GRID2: variants seen among roughly 807,000 people sequenced by gnomAD.
The protein encoded by GRID2 is glutamate ionotropic receptor delta type subunit 2, also known as glutamate receptor ionotropic, delta-2.
A neutral mutation model predicts 114.8 loss-of-function variants in GRID2; 33 were observed. That is an observed-to-expected ratio of 0.29 (90% CI 0.22 to 0.38). The LOEUF (loss-of-function observed/expected upper bound fraction) is 0.38, where lower values mean the gene tolerates loss of function less well. Ranked by LOEUF, GRID2 falls within the 10% of genes least tolerant of loss-of-function variation. The pLI, the probability that GRID2 is intolerant of heterozygous loss-of-function variation, is 1.00. For synonymous variants in GRID2, 505 were observed against 449.9 expected (o/e 1.12, Z -1.55); for missense variants, 1,184 against 1,257.7 (o/e 0.94, Z 0.89).
At chr4:92,413,119 G>A (rs1731420939) in intron 1 of GRID2, among the ~76,000 whole-genome samples, 1 of 152,178 alleles carries the variant, frequency 6.6e-6, no homozygotes, top group Non-Finnish European at 1.5e-5. Flanking sequence ...TAGTAGTGAA[G>A]TCTGGGCTTT....
chr4:92,835,490 A>G (rs1317134020), intron 2 of GRID2, among the ~76,000 whole-genome samples: 1 of 152,160 alleles, frequency 6.6e-6, no homozygotes, highest in Admixed American at 6.6e-5. Context: ...GATAATGCTT[A>G]TGCTGTTTCT....
intron 2 of GRID2, among the ~76,000 whole-genome samples, chr4:92,615,214 G>T (rs1381314852): frequency 6.6e-6 from 1 of 151,414 alleles, no homozygotes; most frequent in African/African-American, 2.4e-5. Context: ...ATACCGAGGT[G>T]GGGTGGGGCA....
At chr4:93,091,878 C>T (rs1730823079) in intron 3 of GRID2, among the ~76,000 whole-genome samples, 1 of 152,124 alleles carries the variant, frequency 6.6e-6, no homozygotes, top group African/African-American at 2.4e-5. Context: ...GGCTGCCACA[C>T]AGGCTGCTCT....
Position 92,848,784 on chromosome 4 carries a change from C to T in GRID2, c.245-236211C>T, listed in dbSNP as rs1483106337. Among the ~76,000 whole-genome samples, 3 of 151,700 alleles carry T rather than the reference C, an allele frequency of 2.0e-5. No individual in the cohort carries two copies. In the Admixed American group the frequency reaches 2.0e-4, roughly 10 times the overall value. On this transcript the variant is annotated intron_variant, in intron 2 of 15. Transcript: ENST00000282020. ...GTTTAAATGACACAGTTAAGGTAGG[C>T]CTAATCTAATCTGACTGGTGGTCTT...
intron 2 of GRID2, among the ~76,000 whole-genome samples, chr4:92,724,790 G>A (rs931466265): frequency 6.6e-6 from 1 of 152,094 alleles, no homozygotes; most frequent in Non-Finnish European, 1.5e-5. Flanking sequence ...GAAGTATTTA[G>A]AGTAATTAAA....
At chr4:92,402,452 T>C (rs1730830585) in intron 1 of GRID2, among the ~76,000 whole-genome samples, 1 of 152,192 alleles carries the variant, frequency 6.6e-6, no homozygotes, top group Admixed American at 6.5e-5. Flanking sequence ...CTTGAAAGTT[T>C]GTATTACTAT....
chr4:93,202,896 C>T (rs1039356015), intron 4 of GRID2, among the ~76,000 whole-genome samples: 1 of 152,030 alleles, frequency 6.6e-6, no homozygotes, highest in Middle Eastern at 3.2e-3. Context: ...GTTTTAACCA[C>T]TTTGAAGTGA....
At chr4:93,389,771 T>C (rs1463057514) in intron 8 of GRID2, among the ~76,000 whole-genome samples, 1 of 152,070 alleles carries the variant, frequency 6.6e-6, no homozygotes, top group Non-Finnish European at 1.5e-5. Context: ...TCCCTGTGTG[T>C]TGAAGCAAGT....
intron 2 of GRID2, among the ~76,000 whole-genome samples, chr4:93,021,804 A>G (rs951014523): frequency 6.8e-6 from 1 of 146,310 alleles, no homozygotes; most frequent in Non-Finnish European, 1.5e-5. Context: ...TTATTTTTAT[A>G]ATAAATTTTA....
At chr4:92,504,230 CAA>C (rs1723835289) in intron 1 of GRID2, among the ~76,000 whole-genome samples, 1 of 151,874 alleles carries the variant, frequency 6.6e-6, no homozygotes, top group Admixed American at 6.6e-5. Flanking sequence ...ATAATGTAAG[CAA>C]AGTCATAGAG....
intron 14 of GRID2, among the ~76,000 whole-genome samples, chr4:93,634,302 T>C (rs918397550): frequency 2.6e-5 from 4 of 152,004 alleles, no homozygotes; most frequent in Non-Finnish European, 4.4e-5. Context: ...CAGGAAAACA[T>C]GAGAGATTCA....
At chr4:93,357,403 C>T (rs1761445441) in intron 8 of GRID2, among the ~76,000 whole-genome samples, 1 of 151,078 alleles carries the variant, frequency 6.6e-6, no homozygotes, top group African/African-American at 2.4e-5. Context: ...AATATTCTGT[C>T]ATATATGTTG....
At chr4:93,385,122 A>T (rs1430294016) in intron 8 of GRID2, among the ~76,000 whole-genome samples, 1 of 152,200 alleles carries the variant, frequency 6.6e-6, no homozygotes, top group Non-Finnish European at 1.5e-5. Context: ...GAAACCCAAG[A>T]ACTCCATGCA....
chr4:92,621,714 G>T (rs1730285358), intron 2 of GRID2, among the ~76,000 whole-genome samples: 1 of 151,762 alleles, frequency 6.6e-6, no homozygotes, highest in Non-Finnish European at 1.5e-5. Flanking sequence ...ATTATGGAGA[G>T]AATTTTCATT....
intron 13 of GRID2, among the ~76,000 whole-genome samples, chr4:93,517,968 C>CT (rs1560706181): frequency 2.7e-5 from 1 of 36,694 alleles, no homozygotes; most frequent in Non-Finnish European, 6.7e-5. Context: ...TATGTATATA[C>CT]ATACATGTAC....
intron 2 of GRID2, among the ~76,000 whole-genome samples, chr4:92,966,444 C>T (rs1186678729): frequency 1.3e-5 from 2 of 151,944 alleles, no homozygotes; most frequent in Non-Finnish European, 2.9e-5. Flanking sequence ...ATTATGCTAT[C>T]TCACATCCAG....
At chr4:93,494,441 G>A (rs1727327506) in intron 12 of GRID2, among the ~76,000 whole-genome samples, 1 of 151,736 alleles carries the variant, frequency 6.6e-6, no homozygotes, top group Non-Finnish European at 1.5e-5. Flanking sequence ...TTTGCTGGGA[G>A]CAATCTAATA....
chr4:92,426,047 CT>C (rs1178127127), intron 1 of GRID2, among the ~76,000 whole-genome samples: 1 of 152,086 alleles, frequency 6.6e-6, no homozygotes, highest in Non-Finnish European at 1.5e-5. Flanking sequence ...ACCTGAGCAA[CT>C]GCTGTATGCA....
intron 2 of GRID2, among the ~76,000 whole-genome samples, chr4:93,064,370 T>A (rs1728078502): frequency 1.3e-5 from 2 of 151,808 alleles, no homozygotes; most frequent in East Asian, 3.9e-4. Context: ...TAAGATCTAA[T>A]TTTATAATTT....
Sources: allele counts gnomAD v4.1 joint callset (sites outside exome capture counted in the v4.1 genomes callset), GRCh38; gene constraint gnomAD v4.1.1; transcripts MANE v1.5; gene names NCBI Gene and HGNC (gene_info 2026-07-23, HGNC 2026-07-21).